Variants in NCAPH observed in about 807,000 individuals in gnomAD.
NCAPH encodes the protein condensin complex subunit 2.
In NCAPH, 38 loss-of-function variants were observed where a neutral mutation model predicts 85.5. That is an observed-to-expected ratio of 0.44 (90% CI 0.34 to 0.58). The LOEUF (loss-of-function observed/expected upper bound fraction) is 0.58. Ranked by LOEUF, NCAPH falls within the 20% of genes least tolerant of loss-of-function variation. NCAPH has a pLI of 0.01. For missense variants in NCAPH, 789 were observed against 916.6 expected (o/e 0.86, Z 1.80); for synonymous variants, 301 against 335.1 (o/e 0.90, Z 1.11).
At chr2:96,348,846 C>A (rs2064397931) in intron 6 of NCAPH, among the ~76,000 whole-genome samples, 1 of 152,064 alleles carries the variant, frequency 6.6e-6, no homozygotes, top group African/African-American at 2.4e-5. Context: ...GATGGGGTTT[C>A]ACCATGGTGA....
intron 7 of NCAPH, among the ~76,000 whole-genome samples, chr2:96,352,726 G>T (rs2064461948): frequency 1.3e-5 from 2 of 152,180 alleles, no homozygotes; most frequent in Admixed American, 1.3e-4. Flanking sequence ...TCATTTTTAT[G>T]TGTTGAATGA....
chr2:96,343,211 C>T lies in NCAPH; in HGVS notation c.502C>T (p.Arg168Cys). Residue 168 changes from arginine (R) to cysteine (C), a missense_variant, in exon 5 of 18, where the codon CGC becomes TGC. Coordinates refer to ENST00000240423, the MANE Select transcript of NCAPH (RefSeq NM_015341.5). Reference sequence around the variant, plus strand: ...TGCCAGCACCAAGATCTATGCTGTGCGCGTGGATGCCGTCCATGCCGATGT... The same window carrying T: ...TGCCAGCACCAAGATCTATGCTGTGTGCGTGGATGCCGTCCATGCCGATGT... ...LDASTKIYAV[R>C]VDAVHADVYR... The T allele has an allele frequency of 6.2e-7, 1 of 1,614,108 alleles. No homozygotes were observed. Among genetic ancestry groups the T allele is most frequent in the Non-Finnish European group, 8.5e-7 (1 of 1,180,018 alleles).
intron 12 of NCAPH, 45 bp from the exon 13 acceptor site, chr2:96,364,436 G>A: frequency 7.7e-7 from 1 of 1,298,780 alleles, no homozygotes; most frequent in Non-Finnish European, 1.1e-6. Flanking sequence ...ACCTAGTTCA[G>A]TAGCTTTTAA....
At chr2:96,369,265 A>C (rs1207230080) in intron 16 of NCAPH, among the ~76,000 whole-genome samples, 160 bp from the exon 17 acceptor site, 1 of 152,226 alleles carries the variant, frequency 6.6e-6, no homozygotes, top group Non-Finnish European at 1.5e-5. Flanking sequence ...GAGATATTTT[A>C]TCTCAAATAA....
At chr2:96,359,404 G>A in intron 10 of NCAPH, 1 of 573,262 alleles carries the variant, frequency 1.7e-6, no homozygotes, top group South Asian at 2.2e-5. Context: ...AGTGAGGAGA[G>A]TGAGTACTGG....
At chr2:96,364,921 C>G (rs370077979) in intron 13 of NCAPH, among the ~76,000 whole-genome samples, 1 of 152,154 alleles carries the variant, frequency 6.6e-6, no homozygotes, top group South Asian at 2.1e-4. Flanking sequence ...AATATAAACA[C>G]TTTGTCCTCT....
In NCAPH at chr2:96,359,084, C is replaced by A. The variant is rs1052458598; in HGVS notation, c.1248C>A (p.Thr416=). 3 of 1,614,038 alleles carry A rather than the reference C, an allele frequency of 1.9e-6. No homozygotes were observed. In the African/African-American group the frequency reaches 4.0e-5, roughly 22 times the overall value. Residue 416 remains threonine, a synonymous_variant, in exon 10 of 18, where the codon ACC becomes ACA. Coordinates refer to ENST00000240423, the MANE Select transcript of NCAPH (RefSeq NM_015341.5). Reference sequence around the variant, plus strand: ...CCCTTGGGGATGGAGACATCAGGACCATGTGCCCCCTTCTGTCTATGAAAC... The same window carrying A: ...CCCTTGGGGATGGAGACATCAGGACAATGTGCCCCCTTCTGTCTATGAAAC... ...MISLGDGDIR[T]MCPLLSMKPG... is the part of the protein sequence containing the mutation.
At chr2:96,339,703 C>G (rs1490910049) in intron 1 of NCAPH, among the ~76,000 whole-genome samples, 1 of 151,936 alleles carries the variant, frequency 6.6e-6, no homozygotes, top group Non-Finnish European at 1.5e-5. Context: ...TTCTCCCTTA[C>G]TACTCTAGGA....
intron 17 of NCAPH, among the ~76,000 whole-genome samples, 173 bp from the exon 18 acceptor site, chr2:96,373,119 A>G (rs900946359): frequency 3.9e-5 from 6 of 152,236 alleles, no homozygotes; most frequent in African/African-American, 1.4e-4. Flanking sequence ...TGTTATAACA[A>G]GGATTGGGAA....
intron 15 of NCAPH, among the ~76,000 whole-genome samples, chr2:96,368,367 A>G (rs1372914935): frequency 6.6e-6 from 1 of 152,182 alleles, no homozygotes; most frequent in Admixed American, 6.5e-5. Flanking sequence ...ATAAATAATC[A>G]TGGCTTTGGC....
intron 6 of NCAPH, among the ~76,000 whole-genome samples, chr2:96,345,460 G>C (rs2064350112): frequency 6.6e-6 from 1 of 152,240 alleles, no homozygotes; most frequent in African/African-American, 2.4e-5. Flanking sequence ...CTACAGGTGG[G>C]CTCTGCTGCA....
intron 12 of NCAPH, among the ~76,000 whole-genome samples, chr2:96,361,818 A>ATGTG (rs563435301): frequency 9.3e-6 from 1 of 107,300 alleles, no homozygotes; most frequent in Non-Finnish European, 1.8e-5. Context: ...ATATATATAT[A>ATGTG]TATATATATA....
chr2:96,343,436 C>A, intron 5 of NCAPH, 132 bp downstream of exon 5: 1 of 1,100,254 alleles, frequency 9.1e-7, no homozygotes, highest in Non-Finnish European at 1.3e-6. Flanking sequence ...ATTTTTAGAA[C>A]CATATATGGT....
rs147464498 is a variant in NCAPH at position 96,338,455 on chromosome 2, G to T, written c.19+2607G>T. 6.0e-4 allele frequency among the ~76,000 whole-genome samples: 91 copies of T among 152,266 alleles called. 1 individual carries two copies. The East Asian group carries it at 0.016, about 26-fold the overall frequency. On this transcript the variant is annotated intron_variant, in intron 1 of 17. Transcript: ENST00000240423. ...TTATTTTGGATGGTCACTGTGATAG[G>T]CTGAATAACACTTGCCCTAAAGGTG...
At position 96,353,378 on chromosome 2, in the gene NCAPH, A is replaced by G; in HGVS notation, c.983A>G (p.Asp328Gly). 1 of 1,614,116 alleles carries G rather than the reference A, an allele frequency of 6.2e-7. No individual in the cohort carries two copies. Among genetic ancestry groups the G allele is most frequent in the Admixed American group, 1.7e-5 (1 of 60,028 alleles). ...GCCGGGTTCCAGTTTACACAGTGGG[A>G]CAGTGAAACACATAATGAGGTGTGG... Reference protein sequence around the residue: ...SLAGFQFTQWDSETHNESVSA... With the variant: ...SLAGFQFTQWGSETHNESVSA... Residue 328 changes from aspartate to glycine, a missense_variant, in exon 8 of 18, where the codon GAC becomes GGC. Physicochemically the swap from Asp to Gly is moderately conservative, Grantham distance 94 (BLOSUM62 -1). Transcript: ENST00000240423.
intron 12 of NCAPH, among the ~76,000 whole-genome samples, chr2:96,363,737 G>A (rs2064658466): frequency 6.6e-6 from 1 of 152,208 alleles, no homozygotes. Context: ...TAATTAGAGG[G>A]AAGAGCTGGA....
chr2:96,370,219 G>A lies in NCAPH; in HGVS notation c.2166+719G>A, dbSNP rs146711074. 2.8e-4 allele frequency among the ~76,000 whole-genome samples: 43 copies of A among 152,348 alleles called. No homozygotes were observed. The Middle Eastern group carries it at 0.014, about 48-fold the overall frequency. The stretch of plus-strand genomic sequence containing the variant: ...TGATGCACAGCCCAGCCTTTGGCAC[G>A]TGCAGTAGAGGGCTATGGGCTGGGC... On this transcript the variant is annotated intron_variant, in intron 17 of 17. Coordinates refer to ENST00000240423, the MANE Select transcript of NCAPH (RefSeq NM_015341.5).
At chr2:96,353,517 T>G (rs537385389) in intron 8 of NCAPH, 120 bp downstream of exon 8, 9 of 896,614 alleles carry the variant, frequency 1.0e-5, no homozygotes, top group Middle Eastern at 2.2e-4. Context: ...AAATATTTCC[T>G]TTGGCACTTC....
At chr2:96,344,894 G>C (rs184833528) in intron 6 of NCAPH, among the ~76,000 whole-genome samples, 3 of 152,094 alleles carry the variant, frequency 2.0e-5, no homozygotes, top group East Asian at 1.9e-4. Flanking sequence ...CTTTGCACTC[G>C]TATGGGAGAA....
Sources: allele counts gnomAD v4.1 joint callset (sites outside exome capture counted in the v4.1 genomes callset), GRCh38; gene constraint gnomAD v4.1.1; transcripts MANE v1.5; gene names NCBI Gene and HGNC (gene_info 2026-07-23, HGNC 2026-07-21).